TNS1: variants seen among roughly 807,000 people sequenced by gnomAD.
The protein encoded by TNS1 is tensin-1.
TNS1 carries 62 observed loss-of-function variants against 168.6 expected under a neutral mutation model. The observed-to-expected ratio is 0.37, with a 90% CI of 0.30 to 0.45. The LOEUF (loss-of-function observed/expected upper bound fraction) is 0.45, where lower values mean the gene tolerates loss of function less well. Ranked by LOEUF, TNS1 falls within the 20% of genes least tolerant of loss-of-function variation. The probability of loss-of-function intolerance (pLI) is 1.00; values close to 1 mark genes in which losing one functional copy is unlikely to be tolerated. For synonymous variants in TNS1, 934 were observed against 933.2 expected, an observed-to-expected ratio of 1.00 and a Z score of -0.02; for missense variants, 2,240 against 2,339.4, an observed-to-expected ratio of 0.96 and a Z score of 0.88.
rs1937816154 is a variant in TNS1 at position 217,803,562 on chromosome 2, C to G, written c.*897G>C. ...ATCTCTACCTCCTCAAACCAAAGCT[C>G]CAGGCTTCTGGCCAAGGCAGGACAG... On this transcript the variant is annotated 3_prime_UTR_variant, in exon 33 of 33. Coordinates refer to ENST00000682258, the MANE Select transcript of TNS1 (RefSeq NM_001387777.1). The G allele has an allele frequency of 6.5e-6, 1 of 152,732 alleles. No individual in the cohort carries two copies. Among genetic ancestry groups the G allele is most frequent in the Non-Finnish European group, 1.5e-5 (1 of 68,088 alleles). The allele number at this position is 152,732 out of a possible 1,614,324, so 9.5% of individuals were successfully genotyped here.
intron 1 of TNS1, among the ~76,000 whole-genome samples, chr2:218,024,009 C>T (rs1958832146): frequency 6.6e-6 from 1 of 152,150 alleles, no homozygotes; most frequent in South Asian, 2.1e-4. Context: ...CACTGCCTGC[C>T]CACTGTGTCC....
chr2:217,997,681 C>T (rs1958495575), intron 1 of TNS1, among the ~76,000 whole-genome samples: 1 of 152,212 alleles, frequency 6.6e-6, no homozygotes, highest in African/African-American at 2.4e-5. Context: ...CTTGCTCTGC[C>T]TCACTCTACT....
At chr2:217,892,881 G>A in intron 11 of TNS1, 67 bp downstream of exon 11, 5 of 1,530,932 alleles carry the variant, frequency 3.3e-6, no homozygotes, top group Non-Finnish European at 4.5e-6. Flanking sequence ...AGAGGCTGTG[G>A]GTGGATGAGA....
intron 3 of TNS1, among the ~76,000 whole-genome samples, chr2:217,968,183 A>G (rs1309209965): frequency 6.6e-6 from 1 of 152,228 alleles, no homozygotes; most frequent in African/African-American, 2.4e-5. Context: ...TCCACAGCTA[A>G]TATCATGCTT....
Position 217,848,054 on chromosome 2 carries a change from G to A in TNS1, c.2463C>T (p.Phe821=), listed in dbSNP as rs1304341952. 6.5e-7 allele frequency: 1 copy of A among 1,531,420 alleles called. No individual in the cohort carries two copies. Among genetic ancestry groups the A allele is most frequent in the East Asian group, 2.3e-5 (1 of 44,142 alleles). The allele number at this position is 1,531,420 out of a possible 1,614,324, so 94.9% of individuals were successfully genotyped here. Reference sequence around the variant, plus strand: ...TCTCCTGCTGGGAGGCTGCTCGCGGGAACTCAGGGAGACTGGGGATGGGGG... The same window carrying A: ...TCTCCTGCTGGGAGGCTGCTCGCGGAAACTCAGGGAGACTGGGGATGGGGG... ...AETPIPSLPE[F]PRAASQQEIE... Residue 821 remains phenylalanine, a synonymous_variant, in exon 19 of 33, where the codon TTC becomes TTT. Transcript: ENST00000682258.
intron 1 of TNS1, among the ~76,000 whole-genome samples, chr2:218,017,415 A>G (rs182891778): frequency 3.9e-5 from 6 of 152,316 alleles, no homozygotes; most frequent in Admixed American, 2.0e-4. Context: ...AGCCCTGTGG[A>G]TGGATAAGCC....
intron 3 of TNS1, among the ~76,000 whole-genome samples, chr2:217,925,031 G>A (rs1273821292): frequency 6.6e-6 from 1 of 152,118 alleles, no homozygotes; most frequent in Non-Finnish European, 1.5e-5. Flanking sequence ...ACTTCTTTAT[G>A]AATACGGTTC....
At chr2:218,028,298 C>T (rs923385282) in intron 1 of TNS1, among the ~76,000 whole-genome samples, 5 of 152,178 alleles carry the variant, frequency 3.3e-5, no homozygotes, top group Admixed American at 3.3e-4. Flanking sequence ...AGCTCAGGCC[C>T]AGATGGGCCC....
intron 19 of TNS1, among the ~76,000 whole-genome samples, chr2:217,838,663 T>C (rs1945499705): frequency 6.6e-6 from 1 of 152,162 alleles, no homozygotes; most frequent in Admixed American, 6.5e-5. Context: ...ACTCACATTC[T>C]TTGAACACAG....
At chr2:217,812,631 G>T (rs947483481) in intron 27 of TNS1, among the ~76,000 whole-genome samples, 186 bp from the exon 28 acceptor site, 1 of 152,102 alleles carries the variant, frequency 6.6e-6, no homozygotes, top group Non-Finnish European at 1.5e-5. Flanking sequence ...GATTCCCAAG[G>T]TTCACTCTCG....
Position 218,033,724 on chromosome 2 carries a change from G to C in TNS1, c.156+96C>G, listed in dbSNP as rs1958921600. On this transcript the variant is annotated intron_variant, in intron 1 of 1. Transcript: ENST00000649572. This position sits in a 1 kb window ranked among gnomAD's most constrained non-coding sequence, Gnocchi z 4.3. ...TCCCAAGCAGACTAGCACCGTCCTG[G>C]GCTGGCTACTTAACCTGTGTCAGGT... is the stretch of plus-strand genomic sequence containing the variant. Among the ~76,000 whole-genome samples, 1 of 152,158 alleles carries C rather than the reference G, an allele frequency of 6.6e-6. No homozygotes were observed. Among genetic ancestry groups the C allele is most frequent in the African/African-American group, 2.4e-5 (1 of 41,418 alleles).
intron 4 of TNS1, among the ~76,000 whole-genome samples, chr2:217,916,140 C>A (rs1030651312): frequency 5.9e-5 from 9 of 152,134 alleles, no homozygotes; most frequent in Non-Finnish European, 1.3e-4. Flanking sequence ...GAACGAAGCT[C>A]GGCAGATATG....
At chr2:217,960,408 C>G (rs968313025) in intron 3 of TNS1, among the ~76,000 whole-genome samples, 3 of 152,102 alleles carry the variant, frequency 2.0e-5, no homozygotes, top group African/African-American at 7.2e-5. Context: ...GCAAGGGGGA[C>G]CAGTGGGGGA....
At chr2:217,861,323 C>T (rs1217002992) in intron 18 of TNS1, among the ~76,000 whole-genome samples, 1 of 152,138 alleles carries the variant, frequency 6.6e-6, no homozygotes, top group Admixed American at 6.5e-5. Context: ...CCTGAATCTC[C>T]CCTTTGACAG....
At position 217,814,981 on chromosome 2, in the gene TNS1, G is replaced by A. The variant is rs772055099; in HGVS notation, c.4660C>T (p.Arg1554Trp). The change falls in exon 25 of 33, where the codon CGG (arginine) becomes TGG (tryptophan). Residue 1554 changes from arginine (R) to tryptophan (W), a missense_variant. Physicochemically the swap from Arg to Trp is moderately radical, Grantham distance 101. Around this residue, in one of 2 missense-constraint regions of TNS1, gnomAD observed 2,131 missense variants for 2,171.2 expected, o/e 0.98. Transcript: ENST00000682258. ...YSMPDNSPET[R>W]AKVKFVQDTS... ...TCCTGGACAAACTTCACTTTAGCCC[G>A]CGTCTCCGGGCTGTTGTCTAAAGCA... The A allele has an allele frequency of 2.4e-5, 38 of 1,612,572 alleles. No homozygotes were observed. The highest frequency in any genetic ancestry group is 9.9e-5 in the South Asian group (9 of 90,566).
At chr2:218,018,705 G>C (rs78526042) in intron 1 of TNS1, among the ~76,000 whole-genome samples, 1 of 152,218 alleles carries the variant, frequency 6.6e-6, no homozygotes, top group Non-Finnish European at 1.5e-5. Flanking sequence ...GAACAGGAAG[G>C]AGTCTGGGAC....
upstream of TNS1, among the ~76,000 whole-genome samples, chr2:218,014,057 C>T (rs1228166845): frequency 6.6e-6 from 1 of 152,210 alleles, no homozygotes; most frequent in East Asian, 1.9e-4. Flanking sequence ...GGAGGAGGGC[C>T]CACCTGGCTC....
Position 217,897,918 on chromosome 2 carries a change from C to T in TNS1, c.423G>A (p.Val141=). 6.2e-7 allele frequency: 1 copy of T among 1,613,110 alleles called. No individual in the cohort carries two copies. The highest frequency in any genetic ancestry group is 8.5e-7 in the Non-Finnish European group (1 of 1,179,504). ...CAGCGATGATCCTCTCTGTGACGTA[C>T]ACCAGGTCCAGCTCACAGCTGTCCT... ...TMEDSCELDL[V]YVTERIIAVS... is the part of the protein sequence containing the mutation. The change falls in exon 8 of 33, where the codon GTG becomes GTA. Residue 141 remains valine, a synonymous_variant. Coordinates refer to ENST00000682258, the MANE Select transcript of TNS1 (RefSeq NM_001387777.1).
At chr2:218,027,495 AC>A (rs1273211766) in intron 1 of TNS1, among the ~76,000 whole-genome samples, 1 of 151,926 alleles carries the variant, frequency 6.6e-6, no homozygotes, top group Non-Finnish European at 1.5e-5. Context: ...TCCTGCTGAA[AC>A]TTTTAAGAAC....
Sources: gnomAD v4.1 joint callset for allele counts (sites outside exome capture counted in the v4.1 genomes callset) on GRCh38, gnomAD v4.1.1 for gene constraint, gnomAD v4.1.1 regional missense constraint, Gnocchi (gnomAD v3.1) non-coding constraint, MANE v1.5 for transcripts, NCBI Gene and HGNC (gene_info 2026-07-23, HGNC 2026-07-21) for gene names.